Variants in CHCHD6 observed in about 807,000 individuals in gnomAD.
CHCHD6 encodes the protein MICOS complex subunit MIC25.
CHCHD6 carries 28 observed loss-of-function variants against 32.3 expected under a neutral mutation model. The ratio of observed to expected loss-of-function variants is 0.87; its 90% CI spans 0.64 to 1.19. The LOEUF is 1.19. Among genes scored for constraint, CHCHD6 ranks in the 50% most tolerant of loss-of-function variants. CHCHD6 has a pLI of 0.00. For missense variants in CHCHD6, 333 were observed against 307.0 expected (o/e 1.08, Z -0.63); for synonymous variants, 122 against 117.5 (o/e 1.04, Z -0.25).
chr3:126,863,536 T>A lies in CHCHD6; in HGVS notation c.495+10806T>A, dbSNP rs1015530682. ...CTCCTCCTCCACCATCACCACCTCC[T>A]CCTCCTCCACCATCACCACCTCCTC... On this transcript the variant is annotated intron_variant, in intron 5 of 7. Coordinates refer to ENST00000290913, the MANE Select transcript of CHCHD6 (RefSeq NM_032343.3). 4.6e-5 allele frequency among the ~76,000 whole-genome samples: 5 copies of A among 108,700 alleles called. No individual in the cohort carries two copies. In the South Asian group the frequency reaches 1.9e-3, roughly 41 times the overall value. The allele number at this position is 108,700 out of a possible 152,430, so 71.3% of individuals were successfully genotyped here. A position where few individuals can be genotyped will look rare whatever the true frequency, so the allele number is the denominator to read the frequency against.
At chr3:126,839,395 A>ATGGC (rs1940983220) in intron 4 of CHCHD6, among the ~76,000 whole-genome samples, 1 of 152,214 alleles carries the variant, frequency 6.6e-6, no homozygotes, top group African/African-American at 2.4e-5. Flanking sequence ...ATCTGGCAAT[A>ATGGC]ATTTGGAAAT....
intron 6 of CHCHD6, among the ~76,000 whole-genome samples, chr3:126,917,124 T>G (rs2078183002): frequency 6.6e-6 from 1 of 152,246 alleles, no homozygotes; most frequent in Admixed American, 6.5e-5. Flanking sequence ...TGTGAATGTA[T>G]TTTTAATCTG....
chr3:126,741,087 G>T (rs1936269714), intron 4 of CHCHD6, among the ~76,000 whole-genome samples: 1 of 152,154 alleles, frequency 6.6e-6, no homozygotes, highest in Non-Finnish European at 1.5e-5. Context: ...ACAGTGCCTG[G>T]TGTCACAAAA....
chr3:126,765,600 A>T (rs773165298), intron 4 of CHCHD6, among the ~76,000 whole-genome samples: 1 of 152,246 alleles, frequency 6.6e-6, no homozygotes, highest in Non-Finnish European at 1.5e-5. Flanking sequence ...GCACAAGGTG[A>T]TCAAGGCTGG....
intron 4 of CHCHD6, among the ~76,000 whole-genome samples, chr3:126,733,486 C>G (rs1935906395): frequency 6.6e-6 from 1 of 152,190 alleles, no homozygotes; most frequent in Non-Finnish European, 1.5e-5. Context: ...AGTAAGGGAC[C>G]AGACCACTCA....
At chr3:126,836,036 C>T (rs114050361) in intron 4 of CHCHD6, among the ~76,000 whole-genome samples, 189 of 152,374 alleles carry the variant, frequency 1.2e-3, no homozygotes, top group Non-Finnish European at 2.0e-3. Context: ...TCTTGGGCAG[C>T]AGCCTTCCAG....
At chr3:126,870,425 T>C (rs1370497823) in intron 5 of CHCHD6, among the ~76,000 whole-genome samples, 2 of 152,122 alleles carry the variant, frequency 1.3e-5, no homozygotes, top group East Asian at 3.9e-4. Flanking sequence ...TGACTTGGGT[T>C]TTTTCCCCTT....
At chr3:126,873,785 A>G (rs945335273) in intron 5 of CHCHD6, among the ~76,000 whole-genome samples, 2 of 152,152 alleles carry the variant, frequency 1.3e-5, no homozygotes, top group African/African-American at 2.4e-5. Flanking sequence ...CAGGGGCTTT[A>G]TCTCTAGTCA....
At chr3:126,954,051 A>C (rs773437371) in intron 6 of CHCHD6, among the ~76,000 whole-genome samples, 2 of 152,190 alleles carry the variant, frequency 1.3e-5, no homozygotes, top group Non-Finnish European at 2.9e-5. Flanking sequence ...TTCCAGAGCT[A>C]TGCTCTCCCT....
intron 4 of CHCHD6, among the ~76,000 whole-genome samples, chr3:126,761,516 G>A (rs957120621): frequency 6.6e-6 from 1 of 152,074 alleles, no homozygotes; most frequent in Non-Finnish European, 1.5e-5. Flanking sequence ...GCCTCCAATG[G>A]CTGGGCTCAA....
chr3:126,704,803 C>A (rs1934397238), intron 1 of CHCHD6, among the ~76,000 whole-genome samples: 1 of 152,182 alleles, frequency 6.6e-6, no homozygotes, highest in South Asian at 2.1e-4. Flanking sequence ...GGACTCAGCT[C>A]TTCCCCGCCG....
chr3:126,864,059 C>T (rs1187676783), intron 5 of CHCHD6, among the ~76,000 whole-genome samples: 1 of 150,156 alleles, frequency 6.7e-6, no homozygotes, highest in Non-Finnish European at 1.5e-5. Flanking sequence ...TCTACCATCA[C>T]CTCCTCTTCC....
At chr3:126,923,810 G>A (rs1187963920) in intron 6 of CHCHD6, among the ~76,000 whole-genome samples, 1 of 152,252 alleles carries the variant, frequency 6.6e-6, no homozygotes, top group African/African-American at 2.4e-5. Context: ...ATGCATGGTA[G>A]GTGTTGTTAC....
At chr3:126,838,497 T>G (rs1940950946) in intron 4 of CHCHD6, among the ~76,000 whole-genome samples, 1 of 152,212 alleles carries the variant, frequency 6.6e-6, no homozygotes, top group African/African-American at 2.4e-5. Context: ...GCAGGACCCA[T>G]TTGATGTCAA....
chr3:126,798,476 A>G (rs1489568791), intron 4 of CHCHD6, among the ~76,000 whole-genome samples: 1 of 152,160 alleles, frequency 6.6e-6, no homozygotes, highest in East Asian at 1.9e-4. Context: ...TGGAAACTAA[A>G]TGTGCCCTTT....
chr3:126,763,302 C>T (rs1029024346), intron 4 of CHCHD6, among the ~76,000 whole-genome samples: 1 of 131,862 alleles, frequency 7.6e-6, no homozygotes, highest in African/African-American at 2.6e-5. Flanking sequence ...CTTTTTCCCC[C>T]TCTTCTCCCC....
intron 4 of CHCHD6, among the ~76,000 whole-genome samples, chr3:126,795,127 T>G (rs1367794258): frequency 6.6e-6 from 1 of 152,152 alleles, no homozygotes; most frequent in Non-Finnish European, 1.5e-5. Flanking sequence ...TGTCTGGCCT[T>G]GTTGCTGGGG....
chr3:126,718,789 C>T (rs906356514), intron 1 of CHCHD6, among the ~76,000 whole-genome samples: 7 of 152,232 alleles, frequency 4.6e-5, no homozygotes, highest in Non-Finnish European at 8.8e-5. Flanking sequence ...CCGTCTGGCT[C>T]CGGAGGCCTC....
At chr3:126,907,670 T>C (rs1241794398) in intron 5 of CHCHD6, among the ~76,000 whole-genome samples, 1 of 152,200 alleles carries the variant, frequency 6.6e-6, no homozygotes, top group Non-Finnish European at 1.5e-5. Flanking sequence ...GTTGATAGCA[T>C]CTTGGATAGG....
Sources: allele counts gnomAD v4.1 joint callset (sites outside exome capture counted in the v4.1 genomes callset), GRCh38; gene constraint gnomAD v4.1.1; transcripts MANE v1.5; gene names NCBI Gene and HGNC (gene_info 2026-07-23, HGNC 2026-07-21).